Variants in MAP4K4 observed in about 807,000 individuals in gnomAD.
MAP4K4 encodes HPK/GCK-like kinase HGK.
Under a neutral mutation model 189.6 loss-of-function variants are expected in MAP4K4, and 38 were observed. The observed-to-expected ratio is 0.20, with a 90% CI of 0.15 to 0.26. MAP4K4 has a LOEUF of 0.26. MAP4K4 is among the 10% of genes least tolerant of loss of function. The pLI is 1.00. For synonymous variants in MAP4K4, 610 were observed against 624.3 expected (o/e 0.98, Z 0.34); for missense variants, 1,054 against 1,726.9 (o/e 0.61, Z 6.91).
chr2:101,860,188 T>C (rs2240440), intron 15 of MAP4K4: 1 of 390,918 alleles, frequency 2.6e-6, no homozygotes, highest in Non-Finnish European at 4.8e-6. Flanking sequence ...TGATGAACTA[T>C]TCTGCCAAGC....
chr2:101,702,902 A>ACCC (rs2039824045), intron 2 of MAP4K4, among the ~76,000 whole-genome samples: 1 of 151,942 alleles, frequency 6.6e-6, no homozygotes, highest in Non-Finnish European at 1.5e-5. Context: ...CTCATGTTAG[A>ACCC]CCCCTCATTT....
At chr2:101,831,681 T>A (rs370940824) in intron 6 of MAP4K4, 40 bp from the exon 7 acceptor site, 1 of 1,563,018 alleles carries the variant, frequency 6.4e-7, no homozygotes, top group African/African-American at 1.4e-5. Context: ...TTTGTAGTTG[T>A]GTTTATCTTT....
chr2:101,816,013 C>T (rs780590193), intron 3 of MAP4K4, among the ~76,000 whole-genome samples: 57 of 152,310 alleles, frequency 3.7e-4, no homozygotes, highest in Non-Finnish European at 5.9e-4. Flanking sequence ...GCAGCTGCAG[C>T]GGCTGTGGCC....
At chr2:101,810,357 G>A (rs987008326) in intron 3 of MAP4K4, among the ~76,000 whole-genome samples, 1 of 151,842 alleles carries the variant, frequency 6.6e-6, no homozygotes, top group African/African-American at 2.4e-5. Flanking sequence ...ATGAATTTAT[G>A]TATTATATTT....
At chr2:101,834,593 T>C in intron 8 of MAP4K4, 130 bp downstream of exon 8, 1 of 679,182 alleles carries the variant, frequency 1.5e-6, no homozygotes, top group Non-Finnish European at 2.5e-6. Context: ...GAAGGCAACA[T>C]AAATATAGTC....
chr2:101,881,912 T>C (rs1287540326), intron 27 of MAP4K4, among the ~76,000 whole-genome samples: 1 of 152,232 alleles, frequency 6.6e-6, no homozygotes, highest in Non-Finnish European at 1.5e-5. Context: ...TATTTACTCA[T>C]TTTACTATCC....
chr2:101,750,663 TA>T lies in MAP4K4; in HGVS notation c.124-40046del, dbSNP rs113284090. On this transcript the variant is annotated intron_variant, in intron 2 of 32. Transcript: ENST00000324219. ...TACCCTAAAACTTAAAGTATATATA[TA>T]AAAAAAAAAAGTTAGCCAGGCGTGG... Among the ~76,000 whole-genome samples the T allele has an allele frequency of 3.2e-3, 453 of 143,780 alleles. 6 individuals carry two copies. Among genetic ancestry groups the T allele is most frequent in the Admixed American group, 0.027 (395 of 14,412 alleles). The allele number at this position is 143,780 out of a possible 152,430, so 94.3% of individuals were successfully genotyped here.
intron 2 of MAP4K4, among the ~76,000 whole-genome samples, chr2:101,761,620 A>G (rs2076484863): frequency 6.7e-6 from 1 of 148,910 alleles, no homozygotes; most frequent in African/African-American, 2.5e-5. Flanking sequence ...GTGCAATGGC[A>G]TGATCTCGGA....
At chr2:101,722,390 T>G (rs1034975957) in intron 2 of MAP4K4, among the ~76,000 whole-genome samples, 3 of 152,256 alleles carry the variant, frequency 2.0e-5, no homozygotes, top group Non-Finnish European at 4.4e-5. Context: ...TTGTGAATTT[T>G]TCTCTCGTTT....
At chr2:101,811,139 C>T (rs1024614215) in intron 3 of MAP4K4, among the ~76,000 whole-genome samples, 6 of 151,882 alleles carry the variant, frequency 4.0e-5, no homozygotes, top group African/African-American at 1.2e-4. Context: ...TTTGGGAGGC[C>T]GAGGCGGGTG....
chr2:101,869,780 A>G (rs1239536925), exon 22 of MAP4K4: 2 of 1,570,100 alleles, frequency 1.3e-6, no homozygotes, highest in Non-Finnish European at 1.7e-6. Flanking sequence ...CCTCAGGACC[A>G]GAGGACACCA....
At chr2:101,775,736 C>T (rs891554259) in intron 2 of MAP4K4, among the ~76,000 whole-genome samples, 9 of 152,186 alleles carry the variant, frequency 5.9e-5, no homozygotes, top group African/African-American at 1.7e-4. Flanking sequence ...CCCGAGGCAG[C>T]CCTGGTTCAC....
intron 5 of MAP4K4, among the ~76,000 whole-genome samples, chr2:101,828,178 G>T (rs1284694199): frequency 6.6e-6 from 1 of 152,208 alleles, no homozygotes; most frequent in African/African-American, 2.4e-5. Flanking sequence ...AAGAGTGCAT[G>T]CAAGCCACAT....
chr2:101,823,597 T>A (rs2096205264), intron 3 of MAP4K4, among the ~76,000 whole-genome samples: 2 of 152,362 alleles, frequency 1.3e-5, no homozygotes, highest in African/African-American at 4.8e-5. Context: ...GTCCCATTTT[T>A]ACAGCTGAAC....
intron 2 of MAP4K4, among the ~76,000 whole-genome samples, chr2:101,763,806 T>C (rs1190981860): frequency 1.3e-5 from 2 of 152,196 alleles, no homozygotes; most frequent in Non-Finnish European, 2.9e-5. Flanking sequence ...AATACAGTTA[T>C]TTTGTAATTT....
At chr2:101,737,277 A>G (rs774635410) in intron 2 of MAP4K4, among the ~76,000 whole-genome samples, 6 of 151,708 alleles carry the variant, frequency 4.0e-5, no homozygotes, top group Non-Finnish European at 7.4e-5. Flanking sequence ...CTGCAGCTCT[A>G]ACAAGCTGCC....
chr2:101,738,468 C>T (rs1302592110), intron 2 of MAP4K4, among the ~76,000 whole-genome samples: 1 of 152,006 alleles, frequency 6.6e-6, no homozygotes, highest in East Asian at 1.9e-4. Context: ...TAATATGGGG[C>T]AGTTGAAGTC....
intron 2 of MAP4K4, among the ~76,000 whole-genome samples, chr2:101,704,565 ATATTTTTTTTT>A (rs1559014169): frequency 7.4e-5 from 3 of 40,354 alleles, no homozygotes; most frequent in East Asian, 8.5e-4. Context: ...ATATATATAT[ATATTTTTTTTT>A]TTTTTTTTTT....
intron 2 of MAP4K4, among the ~76,000 whole-genome samples, chr2:101,725,387 C>CAAAA (rs547130880): frequency 4.5e-5 from 5 of 110,948 alleles, no homozygotes; most frequent in South Asian, 2.7e-4. Context: ...AAAAGATAAG[C>CAAAA]AAAAAAAAAA....
Sources: allele counts gnomAD v4.1 joint callset (sites outside exome capture counted in the v4.1 genomes callset), GRCh38; gene constraint gnomAD v4.1.1; transcripts MANE v1.5; gene names NCBI Gene and HGNC (gene_info 2026-07-23, HGNC 2026-07-21).